MAGI2: variants seen among roughly 807,000 people sequenced by gnomAD.
MAGI2 encodes membrane associated guanylate kinase, WW and PDZ domain containing 2, also known as membrane-associated guanylate kinase, WW and PDZ domain-containing protein 2.
In MAGI2, 35 loss-of-function variants were observed where a neutral mutation model predicts 133.3. The observed-to-expected ratio is 0.26, with a 90% CI of 0.20 to 0.35. The LOEUF (loss-of-function observed/expected upper bound fraction) is 0.35, where lower values mean the gene tolerates loss of function less well. Ranked by LOEUF, MAGI2 falls within the 10% of genes least tolerant of loss-of-function variation. The pLI, the probability that MAGI2 is intolerant of heterozygous loss-of-function variation, is 1.00. For synonymous variants in MAGI2, 729 were observed against 710.6 expected, an observed-to-expected ratio of 1.03 and a Z score of -0.41; for missense variants, 1,636 against 1,863.4, an observed-to-expected ratio of 0.88 and a Z score of 2.25.
At chr7:78,382,550 A>G (rs1795020730) in intron 6 of MAGI2, among the ~76,000 whole-genome samples, 1 of 152,092 alleles carries the variant, frequency 6.6e-6, no homozygotes, top group Admixed American at 6.6e-5. Flanking sequence ...AGAAATAATC[A>G]TATTTATTTG....
intron 2 of MAGI2, among the ~76,000 whole-genome samples, chr7:78,934,529 G>A (rs1006734108): frequency 6.6e-6 from 1 of 152,112 alleles, no homozygotes. Flanking sequence ...GAATGATGGC[G>A]ATACCAAACA....
At chr7:79,447,371 T>C (rs1211940843) in intron 1 of MAGI2, among the ~76,000 whole-genome samples, 5 of 152,134 alleles carry the variant, frequency 3.3e-5, no homozygotes, top group Admixed American at 2.6e-4. Flanking sequence ...ATGGAGTAAG[T>C]AATAATAAAG....
chr7:78,260,780 A>G (rs933032663), intron 9 of MAGI2, among the ~76,000 whole-genome samples: 1 of 152,116 alleles, frequency 6.6e-6, no homozygotes, highest in African/African-American at 2.4e-5. Context: ...CTGATTGCCA[A>G]TTATGGAATT....
chr7:78,055,098 T>C (rs1280265725), intron 21 of MAGI2, among the ~76,000 whole-genome samples: 1 of 152,204 alleles, frequency 6.6e-6, no homozygotes. Context: ...TGATACCTCA[T>C]TGTGATTTTG....
rs573995805 is a variant in MAGI2, at chr7:78,423,622, A to G, written c.1046-54409T>C. Among the ~76,000 whole-genome samples, 12 of 152,298 alleles carry G rather than the reference A, an allele frequency of 7.9e-5. 1 individual carries two copies. Among genetic ancestry groups the G allele is most frequent in the Middle Eastern group, 3.4e-3 (1 of 294 alleles). Reference sequence around the variant, plus strand: ...TTGGAACTTCCTAGAGACTTGTTGAATGGCTTTGACCAAAAGCCTGATAAT... The same window carrying G: ...TTGGAACTTCCTAGAGACTTGTTGAGTGGCTTTGACCAAAAGCCTGATAAT... On this transcript the variant is annotated intron_variant, in intron 6 of 21. Coordinates refer to ENST00000354212, the MANE Select transcript of MAGI2 (RefSeq NM_012301.4).
chr7:78,252,180 G>A (rs1019600776), intron 10 of MAGI2: 1 of 147,884 alleles, frequency 6.8e-6, no homozygotes, highest in Non-Finnish European at 1.5e-5. Flanking sequence ...ATCCTAGAAT[G>A]TCTATGGAAA....
At chr7:78,356,365 A>G (rs1397233434) in intron 7 of MAGI2, among the ~76,000 whole-genome samples, 3 of 152,220 alleles carry the variant, frequency 2.0e-5, no homozygotes, top group Non-Finnish European at 4.4e-5. Context: ...GTTAAAGGAT[A>G]TAGACTTACA....
intron 1 of MAGI2, among the ~76,000 whole-genome samples, chr7:79,227,147 A>T (rs1830930021): frequency 6.6e-6 from 1 of 152,176 alleles, no homozygotes; most frequent in South Asian, 2.1e-4. Context: ...AAATAGTATG[A>T]GTGTTCTTTC....
chr7:79,045,699 G>A (rs1391410405), intron 1 of MAGI2, among the ~76,000 whole-genome samples: 1 of 152,172 alleles, frequency 6.6e-6, no homozygotes, highest in Non-Finnish European at 1.5e-5. Flanking sequence ...GGCTGAGGCA[G>A]GAGAATGGCG....
chr7:79,062,385 T>C (rs1320850365), intron 1 of MAGI2, among the ~76,000 whole-genome samples: 2 of 152,146 alleles, frequency 1.3e-5, no homozygotes, highest in Non-Finnish European at 2.9e-5. Context: ...AACATTACAG[T>C]GAAACTGTAT....
chr7:78,822,992 G>T (rs1246129410), intron 2 of MAGI2, among the ~76,000 whole-genome samples: 2 of 152,200 alleles, frequency 1.3e-5, no homozygotes, highest in East Asian at 1.9e-4. Flanking sequence ...GAAGAGCCAT[G>T]AACAACATAT....
At chr7:79,380,232 T>G (rs997136449) in intron 1 of MAGI2, among the ~76,000 whole-genome samples, 1 of 151,718 alleles carries the variant, frequency 6.6e-6, no homozygotes, top group Non-Finnish European at 1.5e-5. Flanking sequence ...GGGAGAAAAT[T>G]TTTGCAATCT....
At chr7:79,298,581 T>C (rs1585477575) in intron 1 of MAGI2, among the ~76,000 whole-genome samples, 1 of 152,178 alleles carries the variant, frequency 6.6e-6, no homozygotes, top group East Asian at 1.9e-4. Flanking sequence ...ATATTTATTG[T>C]TTCTATTATA....
rs114018360 is a variant in MAGI2 at position 78,553,059 on chromosome 7, A to T, written c.539-31414T>A. ...AAAAACTGTAAGAGGCAGAGAAGGA[A>T]AATTCAGAAGTTGCCTGTAAAATCA... is the stretch of plus-strand genomic sequence containing the variant. On this transcript the variant is annotated intron_variant, in intron 3 of 21. Transcript: ENST00000354212. 2.5e-3 allele frequency among the ~76,000 whole-genome samples: 376 copies of T among 151,784 alleles called. 1 individual carries two copies. Among genetic ancestry groups the T allele is most frequent in the African/African-American group, 8.7e-3 (361 of 41,286 alleles).
intron 9 of MAGI2, among the ~76,000 whole-genome samples, chr7:78,338,754 A>G (rs1333731085): frequency 6.6e-6 from 1 of 152,210 alleles, no homozygotes; most frequent in Non-Finnish European, 1.5e-5. Flanking sequence ...CAAGCATTAC[A>G]TTCTGTTTGA....
At chr7:78,461,027 G>A (rs539848279) in intron 6 of MAGI2, among the ~76,000 whole-genome samples, 14 of 151,466 alleles carry the variant, frequency 9.2e-5, no homozygotes, top group Middle Eastern at 3.4e-3. Flanking sequence ...GCCTTTCTTC[G>A]TTCTTTCTAA....
intron 6 of MAGI2, among the ~76,000 whole-genome samples, chr7:78,391,994 G>A (rs1795932003): frequency 6.6e-6 from 1 of 152,214 alleles, no homozygotes; most frequent in Non-Finnish European, 1.5e-5. Context: ...AGCAGGTAGT[G>A]AGAGCTGAAA....
rs200554127 is a variant in MAGI2 at position 78,691,717 on chromosome 7, T to TA, written c.419-64479dup. The stretch of plus-strand genomic sequence containing the variant: ...GTGGTAGGCAAAACTATGGAGACAG[T>TA]AAAAAAAATCAGCGGTTGCCAGGTG... On this transcript the variant is annotated intron_variant, in intron 2 of 21. Coordinates refer to ENST00000354212, the MANE Select transcript of MAGI2 (RefSeq NM_012301.4). Among the ~76,000 whole-genome samples the TA allele has an allele frequency of 5.7e-4, 86 of 151,962 alleles. No homozygotes were observed. The East Asian group carries it at 7.4e-3, about 13-fold the overall frequency.
At chr7:78,961,866 A>G (rs967169843) in intron 2 of MAGI2, among the ~76,000 whole-genome samples, 4 of 151,966 alleles carry the variant, frequency 2.6e-5, no homozygotes, top group Non-Finnish European at 5.9e-5. Flanking sequence ...TAGATGGTAT[A>G]GCCTACTATA....
Sources: gnomAD v4.1 joint callset for allele counts (sites outside exome capture counted in the v4.1 genomes callset) on GRCh38, gnomAD v4.1.1 for gene constraint, MANE v1.5 for transcripts, NCBI Gene and HGNC (gene_info 2026-07-23, HGNC 2026-07-21) for gene names.